Variants in F13A1 observed in about 807,000 individuals in gnomAD.
F13A1 encodes the protein FSF, A subunit.
In F13A1, 47 loss-of-function variants were observed where a neutral mutation model predicts 80.1. The ratio of observed to expected loss-of-function variants is 0.59; its 90% CI spans 0.46 to 0.75. The LOEUF (loss-of-function observed/expected upper bound fraction) is 0.75, where lower values mean the gene tolerates loss of function less well. Among genes scored for constraint, F13A1 ranks in the 30% least tolerant of loss-of-function variants. The pLI, the probability that F13A1 is intolerant of heterozygous loss-of-function variation, is 0.00. For missense variants in F13A1, 817 were observed against 930.4 expected (o/e 0.88, Z 1.59); for synonymous variants, 349 against 344.9 (o/e 1.01, Z -0.13).
At chr6:6,206,508 A>G (rs1761492149) in intron 8 of F13A1, 4 of 475,434 alleles carry the variant, frequency 8.4e-6, no homozygotes, top group South Asian at 3.1e-5. Flanking sequence ...TTTTACCCCC[A>G]AACTCCCCTT....
chr6:6,248,326 C>A lies in F13A1; in HGVS notation c.784G>T (p.Val262Leu). Reference protein sequence around the residue: ...GRGNPIKVSRVGSAMVNAKDD... With the variant: ...GRGNPIKVSRLGSAMVNAKDD... ...TTGCTGCTTACCATTGCAGACCCCACACGGCTGACTTTGATGGGATTCCCT... is the reference window on the plus strand; with the variant it reads ...TTGCTGCTTACCATTGCAGACCCCAAACGGCTGACTTTGATGGGATTCCCT... The change falls in exon 6 of 15, where the codon GTG becomes TTG. Residue 262 changes from valine (V) to leucine (L), a missense_variant. Coordinates refer to ENST00000264870, the MANE Select transcript of F13A1 (RefSeq NM_000129.4). The A allele has an allele frequency of 6.2e-7, 1 of 1,613,826 alleles. No individual in the cohort carries two copies. Among genetic ancestry groups the A allele is most frequent in the Non-Finnish European group, 8.5e-7 (1 of 1,179,804 alleles).
At chr6:6,249,874 G>A (rs3024383) in intron 5 of F13A1, among the ~76,000 whole-genome samples, 27,539 of 152,004 alleles carry the variant, frequency 0.18, 2,678 homozygotes, top group African/African-American at 0.26. Context: ...AAATGCAGGC[G>A]GGGAAGCCTG....
chr6:6,192,663 C>T (rs1367100041), intron 10 of F13A1, among the ~76,000 whole-genome samples: 7 of 152,162 alleles, frequency 4.6e-5, no homozygotes, highest in East Asian at 3.9e-4. Flanking sequence ...CATCTCCACA[C>T]GTTGTATAAG....
chr6:6,318,604 TAG>T lies in F13A1; in HGVS notation c.59_60del (p.Ser20Ter), dbSNP rs1482349181. 5.0e-6 allele frequency: 8 copies of T among 1,613,332 alleles called. No individual in the cohort carries two copies. The highest frequency in any genetic ancestry group is 1.7e-5 in the Admixed American group (1 of 59,930). ...GGRRAVPPNNSNAAEDDLPTV... is the reference protein window; with the variant it reads ...GGRRAVPPNNXNAAEDDLPTV... ...GTGGGCAGGTCATCTTCCGCTGCAT[TAG>T]AGTTATTGGGTGGAACTGCTCTTCT... On this transcript the variant is annotated frameshift_variant, in exon 2 of 15. Coordinates refer to ENST00000264870, the MANE Select transcript of F13A1 (RefSeq NM_000129.4). LOFTEE classifies it high-confidence loss of function.
chr6:6,189,614 C>T (rs1761143840), intron 10 of F13A1, among the ~76,000 whole-genome samples: 1 of 142,204 alleles, frequency 7.0e-6, no homozygotes, highest in Non-Finnish European at 1.6e-5. Context: ...GATGGGCTTC[C>T]CTTTCAGGGT....
At chr6:6,229,219 CAGAA>C (rs1416678393) in intron 6 of F13A1, among the ~76,000 whole-genome samples, 2 of 151,916 alleles carry the variant, frequency 1.3e-5, no homozygotes, top group East Asian at 1.9e-4. Context: ...GAGGAAGAGA[CAGAA>C]AGAGAGAGAG....
chr6:6,193,862 A>C (rs1450836133), intron 10 of F13A1, among the ~76,000 whole-genome samples: 1 of 152,132 alleles, frequency 6.6e-6, no homozygotes, highest in African/African-American at 2.4e-5. Context: ...GGTTTGTGGA[A>C]ATCTTCAAAT....
At chr6:6,235,890 C>A (rs79442167) in intron 6 of F13A1, among the ~76,000 whole-genome samples, 3,982 of 152,076 alleles carry the variant, frequency 0.026, 182 homozygotes, top group African/African-American at 0.091. Context: ...CGGAAAATGG[C>A]CTAAATGTCC....
intron 8 of F13A1, among the ~76,000 whole-genome samples, chr6:6,204,997 C>T (rs1210036348): frequency 6.6e-6 from 1 of 152,188 alleles, no homozygotes; most frequent in East Asian, 1.9e-4. Context: ...CTGGGGAAGC[C>T]CTGGGTAGCC....
At chr6:6,175,017 C>A in intron 11 of F13A1, 150 bp from the exon 12 acceptor site, 1 of 974,416 alleles carries the variant, frequency 1.0e-6, no homozygotes, top group Non-Finnish European at 1.6e-6. Flanking sequence ...GTCATTATTC[C>A]TATGTTATAA....
At chr6:6,152,566 T>G (rs1478075379) in intron 13 of F13A1, among the ~76,000 whole-genome samples, 1 of 152,118 alleles carries the variant, frequency 6.6e-6, no homozygotes, top group Non-Finnish European at 1.5e-5. Context: ...AAGTATCAGG[T>G]ATTTGGAAGA....
chr6:6,282,111 G>T (rs1758075614), intron 3 of F13A1, among the ~76,000 whole-genome samples: 1 of 152,074 alleles, frequency 6.6e-6, no homozygotes. Flanking sequence ...GTTGAATTGG[G>T]AAATACTGAA....
chr6:6,212,779 G>T (rs568923537), intron 8 of F13A1, among the ~76,000 whole-genome samples: 21 of 152,114 alleles, frequency 1.4e-4, no homozygotes, highest in African/African-American at 5.1e-4. Flanking sequence ...TGAAAACTTT[G>T]AAAAAAATTT....
chr6:6,218,187 A>G (rs950341511), intron 8 of F13A1, among the ~76,000 whole-genome samples: 2 of 152,106 alleles, frequency 1.3e-5, no homozygotes, highest in Non-Finnish European at 2.9e-5. Flanking sequence ...ATCTTTCTTG[A>G]TCCTAGTAAG....
intron 10 of F13A1, among the ~76,000 whole-genome samples, chr6:6,185,932 T>C (rs1264122117): frequency 1.0e-4 from 15 of 150,148 alleles, no homozygotes; most frequent in African/African-American, 2.2e-4. Flanking sequence ...TGTGAGATGG[T>C]ATCTCATTGT....
chr6:6,148,063 G>GAAACTTAAAGTTTAAGCCC (rs1316619526), intron 14 of F13A1, among the ~76,000 whole-genome samples: 3 of 152,156 alleles, frequency 2.0e-5, no homozygotes, highest in Non-Finnish European at 4.4e-5. Flanking sequence ...TCCTATTTGA[G>GAAACTTAAAGTTTAAGCCC]AAACTTAAAG....
At chr6:6,153,756 C>A (rs9392751) in intron 13 of F13A1, among the ~76,000 whole-genome samples, 28,936 of 152,032 alleles carry the variant, frequency 0.19, 3,280 homozygotes, top group African/African-American at 0.32. Flanking sequence ...ATTTGAGGCA[C>A]CCCTGTTGAT....
chr6:6,304,470 A>G (rs1223799793), intron 3 of F13A1, among the ~76,000 whole-genome samples: 1 of 152,176 alleles, frequency 6.6e-6, no homozygotes, highest in Non-Finnish European at 1.5e-5. Flanking sequence ...TAACTTAATA[A>G]AAGGGTTCCA....
In F13A1 at chr6:6,151,896, G is replaced by A; in HGVS notation, c.1962C>T (p.Thr654=). Residue 654 remains threonine, a synonymous_variant, in exon 14 of 15, where the codon ACC becomes ACT. Coordinates refer to ENST00000264870, the MANE Select transcript of F13A1 (RefSeq NM_000129.4). ...GSDMTVTVEF[T]NPLKETLRNV... The stretch of plus-strand genomic sequence containing the variant: ...TTCGCAGGGTTTCTTTTAAAGGATT[G>A]GTAAACTCAACTGTCACAGTCATGT... The A allele has an allele frequency of 6.2e-7, 1 of 1,614,020 alleles. No homozygotes were observed. The highest frequency in any genetic ancestry group is 8.5e-7 in the Non-Finnish European group (1 of 1,179,962).
Sources: allele counts gnomAD v4.1 joint callset (sites outside exome capture counted in the v4.1 genomes callset), GRCh38; gene constraint gnomAD v4.1.1; transcripts MANE v1.5; gene names NCBI Gene and HGNC (gene_info 2026-07-23, HGNC 2026-07-21).